The following ERC1 variants were observed in gnomAD, a reference collection of about 807,000 sequenced individuals.
ERC1 encodes RAB6 interacting protein 2.
In ERC1, 56 loss-of-function variants were observed where a neutral mutation model predicts 132.0. The ratio of observed to expected loss-of-function variants is 0.42; its 90% CI spans 0.34 to 0.53. The LOEUF is 0.53. Ranked by LOEUF, ERC1 falls within the 20% of genes least tolerant of loss-of-function variation. The pLI is 0.03. For synonymous variants in ERC1, 478 were observed against 476.1 expected (o/e 1.00, Z -0.05); for missense variants, 1,202 against 1,349.9 (o/e 0.89, Z 1.72).
Position 991,265 on chromosome 12 carries a change from T to TGGCGGTAGTGGC in ERC1, c.-209_-208insTAGTGGCGGCGG, listed in dbSNP as rs1959194011. Reference sequence around the variant, plus strand: ...GCTGTGGCGGCGGCGGCGGCGGTAGTGGCGGCGGCGGCGGTGCCTGGGCGG... The same window carrying TGGCGGTAGTGGC: ...GCTGTGGCGGCGGCGGCGGCGGTAGTGGCGGTAGTGGCGGCGGCGGCGGCGGTGCCTGGGCGG... On this transcript the variant is annotated 5_prime_UTR_variant, in exon 1 of 19. Coordinates refer to ENST00000360905, the MANE Select transcript of ERC1 (RefSeq NM_178040.4). The TGGCGGTAGTGGC allele has an allele frequency of 6.1e-6, 1 of 164,282 alleles. No homozygotes were observed. Among genetic ancestry groups the TGGCGGTAGTGGC allele is most frequent in the Non-Finnish European group, 1.3e-5 (1 of 79,668 alleles). 10.2% of individuals were successfully genotyped at this position (164,282 alleles called of 1,614,324 possible).
chr12:1,018,493 G>A (rs947777534), intron 1 of ERC1, among the ~76,000 whole-genome samples: 2 of 152,218 alleles, frequency 1.3e-5, no homozygotes, highest in Non-Finnish European at 2.9e-5. Context: ...GGGGTTACAG[G>A]CGTGAGCCAC....
rs1353984184 is a variant in ERC1 at position 1,494,028 on chromosome 12, C to G, written c.*3798C>G. On this transcript the variant is annotated 3_prime_UTR_variant, in exon 19 of 19. Transcript: ENST00000360905. Reference sequence around the variant, plus strand: ...AGAACCATCCCGCCCTCCTGTTGACCATGTTACTTGAGTGTAGGCCCGGTG... The same window carrying G: ...AGAACCATCCCGCCCTCCTGTTGACGATGTTACTTGAGTGTAGGCCCGGTG... 4 of 232,238 alleles carry G rather than the reference C, an allele frequency of 1.7e-5. No individual in the cohort carries two copies. The highest frequency in any genetic ancestry group is 3.4e-5 in the Non-Finnish European group (4 of 117,538). The allele number at this position is 232,238 out of a possible 1,614,324, so 14.4% of individuals were successfully genotyped here.
At chr12:1,423,290 C>G (rs973688387) in intron 17 of ERC1, among the ~76,000 whole-genome samples, 12 of 152,200 alleles carry the variant, frequency 7.9e-5, no homozygotes, top group Non-Finnish European at 1.6e-4. Flanking sequence ...AAGTCTTCTA[C>G]CAGTCTCTTC....
At chr12:1,343,932 T>C (rs1051301540) in intron 15 of ERC1, among the ~76,000 whole-genome samples, 3 of 152,096 alleles carry the variant, frequency 2.0e-5, no homozygotes, top group African/African-American at 7.2e-5. Context: ...AGCTCCGCCT[T>C]TCAGGTTCAC....
intron 2 of ERC1, among the ~76,000 whole-genome samples, chr12:1,049,642 A>C (rs890141931): frequency 6.6e-6 from 1 of 152,208 alleles, no homozygotes; most frequent in African/African-American, 2.4e-5. Flanking sequence ...ACCATGCCAC[A>C]ATATATAAAC....
chr12:1,448,660 A>G (rs2093360239), intron 18 of ERC1, among the ~76,000 whole-genome samples: 1 of 152,206 alleles, frequency 6.6e-6, no homozygotes, highest in South Asian at 2.1e-4. Flanking sequence ...CATATCTCCA[A>G]TGCATTTCAC....
chr12:1,123,073 T>G (rs1173831844), intron 7 of ERC1, among the ~76,000 whole-genome samples: 1 of 152,146 alleles, frequency 6.6e-6, no homozygotes, highest in Non-Finnish European at 1.5e-5. Flanking sequence ...GATGGGGTAA[T>G]GTCTTGTTTG....
chr12:1,241,250 C>T (rs1374319882), intron 13 of ERC1, among the ~76,000 whole-genome samples: 1 of 152,068 alleles, frequency 6.6e-6, no homozygotes, highest in Non-Finnish European at 1.5e-5. Context: ...TGTTATATTT[C>T]ATTTCTTCAG....
chr12:1,296,023 A>C (rs1184525045), intron 15 of ERC1, among the ~76,000 whole-genome samples: 1 of 150,902 alleles, frequency 6.6e-6, no homozygotes, highest in African/African-American at 2.4e-5. Flanking sequence ...AAAAAAAAAA[A>C]AAACAACTAA....
intron 1 of ERC1, among the ~76,000 whole-genome samples, chr12:1,002,432 C>T (rs1364819929): frequency 2.0e-5 from 3 of 151,450 alleles, no homozygotes; most frequent in African/African-American, 4.9e-5. Flanking sequence ...AGTAATCTGC[C>T]TGCCTTGGTC....
At chr12:1,449,591 A>T (rs186747769) in intron 18 of ERC1, among the ~76,000 whole-genome samples, 1 of 152,130 alleles carries the variant, frequency 6.6e-6, no homozygotes, top group Non-Finnish European at 1.5e-5. Context: ...CTCCCCAGCC[A>T]TGCAGAAGTG....
chr12:1,131,666 C>T (rs1487294125), intron 7 of ERC1, among the ~76,000 whole-genome samples: 1 of 152,046 alleles, frequency 6.6e-6, no homozygotes, highest in Non-Finnish European at 1.5e-5. Context: ...GGGGTTTCAC[C>T]CTGTTAGCCA....
intron 2 of ERC1, among the ~76,000 whole-genome samples, chr12:1,064,830 A>G (rs552675996): frequency 7.9e-5 from 12 of 152,308 alleles, no homozygotes; most frequent in African/African-American, 2.9e-4. Context: ...CTCTGCTGAG[A>G]CTTCGGAAGT....
intron 13 of ERC1, among the ~76,000 whole-genome samples, chr12:1,241,540 A>G (rs959290559): frequency 2.6e-5 from 4 of 151,970 alleles, no homozygotes; most frequent in African/African-American, 7.3e-5. Flanking sequence ...CTTAATATCC[A>G]TTTGCAACAG....
intron 12 of ERC1, among the ~76,000 whole-genome samples, chr12:1,226,428 G>C (rs192734409): frequency 6.6e-6 from 1 of 152,150 alleles, no homozygotes; most frequent in Admixed American, 6.5e-5. Flanking sequence ...TGTGTGTGTT[G>C]TTAGAACCCT....
In ERC1 at chr12:1,359,774, T is replaced by C. The variant is rs916705719; in HGVS notation, c.2781-12059T>C. On this transcript the variant is annotated intron_variant, in intron 15 of 18. Transcript: ENST00000360905. Reference sequence around the variant, plus strand: ...ATTGATGTTGTTTTCCTTTCTGTTATAATGTTTCACCGTAAACTGTAGTTC... The same window carrying C: ...ATTGATGTTGTTTTCCTTTCTGTTACAATGTTTCACCGTAAACTGTAGTTC... 3.3e-5 allele frequency among the ~76,000 whole-genome samples: 5 copies of C among 152,346 alleles called. No homozygotes were observed. In the South Asian group the frequency reaches 6.2e-4, roughly 19 times the overall value.
chr12:1,281,068 T>C (rs1383772371), intron 14 of ERC1, among the ~76,000 whole-genome samples: 1 of 152,204 alleles, frequency 6.6e-6, no homozygotes, highest in Non-Finnish European at 1.5e-5. Flanking sequence ...AAAATGGCAG[T>C]GAACTTTTAT....
chr12:1,375,444 G>T (rs954519417), intron 16 of ERC1, among the ~76,000 whole-genome samples: 1 of 152,146 alleles, frequency 6.6e-6, no homozygotes, highest in African/African-American at 2.4e-5. Context: ...GGGTGGGGAC[G>T]CAGAGCCAAA....
chr12:1,340,568 C>T (rs976906439), intron 15 of ERC1, among the ~76,000 whole-genome samples: 1 of 152,142 alleles, frequency 6.6e-6, no homozygotes, highest in Non-Finnish European at 1.5e-5. Flanking sequence ...CCCTCAGGGT[C>T]GTTGGGGGCT....
Sources: gnomAD v4.1 joint callset for allele counts (sites outside exome capture counted in the v4.1 genomes callset) on GRCh38, gnomAD v4.1.1 for gene constraint, MANE v1.5 for transcripts, NCBI Gene and HGNC (gene_info 2026-07-23, HGNC 2026-07-21) for gene names.